The following METTL25 variants were observed in gnomAD, a reference collection of about 807,000 sequenced individuals.
METTL25 encodes the protein methyltransferase like 25, also known as probable methyltransferase-like protein 25.
A neutral mutation model predicts 71.6 loss-of-function variants in METTL25; 64 were observed. That is an observed-to-expected ratio of 0.89 (90% confidence interval 0.73 to 1.10). The LOEUF is 1.10. METTL25 is among the 50% of genes least tolerant of loss of function. METTL25 has a pLI of 0.00. For missense variants in METTL25, 807 were observed against 707.0 expected (o/e 1.14, Z -1.60); for synonymous variants, 287 against 250.3 (o/e 1.15, Z -1.38).
At chr12:82,456,622 G>A (rs1891508379) in intron 8 of METTL25, 105 bp from the exon 9 acceptor site, 1 of 613,378 alleles carries the variant, frequency 1.6e-6, no homozygotes, top group Non-Finnish European at 2.8e-6. Context: ...TTTGGATCTT[G>A]TGCTATATCC....
At chr12:82,475,896 A>G (rs1166389570) in intron 9 of METTL25, among the ~76,000 whole-genome samples, 1 of 152,126 alleles carries the variant, frequency 6.6e-6, no homozygotes, top group African/African-American at 2.4e-5. Context: ...CCAAAATCTG[A>G]AATGCTCCAA....
At chr12:82,381,060 C>T (rs1400345871) in intron 1 of METTL25, among the ~76,000 whole-genome samples, 1 of 152,182 alleles carries the variant, frequency 6.6e-6, no homozygotes, top group Admixed American at 6.5e-5. Context: ...CATTTGTTGT[C>T]TGCATACACT....
chr12:82,424,662 G>C (rs1326153165), intron 5 of METTL25, among the ~76,000 whole-genome samples: 3 of 151,892 alleles, frequency 2.0e-5, no homozygotes, highest in Non-Finnish European at 4.4e-5. Context: ...CTCCCAAAAA[G>C]TCATGTTCAT....
intron 8 of METTL25, among the ~76,000 whole-genome samples, chr12:82,446,097 G>T (rs1406663043): frequency 1.3e-5 from 2 of 152,102 alleles, no homozygotes; most frequent in African/African-American, 2.4e-5. Context: ...ATTATATAAT[G>T]ATAGGCAGGT....
chr12:82,455,316 A>G (rs1891415715), intron 8 of METTL25, among the ~76,000 whole-genome samples: 1 of 151,874 alleles, frequency 6.6e-6, no homozygotes, highest in Non-Finnish European at 1.5e-5. Context: ...TAAGATGTAT[A>G]GGATCTGAGA....
chr12:82,376,684 C>T (rs1263414136), intron 1 of METTL25, among the ~76,000 whole-genome samples: 1 of 152,146 alleles, frequency 6.6e-6, no homozygotes, highest in South Asian at 2.1e-4. Context: ...ATTTATAAAC[C>T]TTTAATACTG....
In METTL25 at chr12:82,399,107, TC is replaced by T; in HGVS notation, c.845del (p.Ser282LeufsTer4). The T allele has an allele frequency of 6.2e-7, 1 of 1,613,808 alleles. No homozygotes were observed. The highest frequency in any genetic ancestry group is 1.7e-4 in the Middle Eastern group (1 of 6,054). ...TACCTCAGCTATTTTGCCTGATTTTTCTGGCTCTGTAATTTCTAATATCAGA... is the reference window on the plus strand; with the variant it reads ...TACCTCAGCTATTTTGCCTGATTTTTTGGCTCTGTAATTTCTAATATCAGA... ...MPTSAILPDF[S>X]GSVISNIRNQ... On this transcript the variant is annotated frameshift_variant, in exon 4 of 12. Coordinates refer to ENST00000248306, the MANE Select transcript of METTL25 (RefSeq NM_032230.3). LOFTEE classifies it high-confidence loss of function.
At chr12:82,361,612 G>A (rs1881921344) in intron 1 of METTL25, among the ~76,000 whole-genome samples, 1 of 152,192 alleles carries the variant, frequency 6.6e-6, no homozygotes, top group African/African-American at 2.4e-5. Flanking sequence ...GCGCTGGTGG[G>A]CCGGCACTGC....
At chr12:82,434,336 T>A (rs1386314533) in intron 6 of METTL25, among the ~76,000 whole-genome samples, 2 of 151,422 alleles carry the variant, frequency 1.3e-5, no homozygotes, top group African/African-American at 4.8e-5. Flanking sequence ...TGCATAATAA[T>A]AGTGTTGGAT....
intron 9 of METTL25, among the ~76,000 whole-genome samples, chr12:82,473,689 T>C (rs937105644): frequency 6.6e-6 from 1 of 152,152 alleles, no homozygotes; most frequent in South Asian, 2.1e-4. Context: ...CCTCAGAGCA[T>C]GTCAGTTGTT....
chr12:82,429,133 C>T (rs1889273952), intron 5 of METTL25, among the ~76,000 whole-genome samples: 1 of 151,658 alleles, frequency 6.6e-6, no homozygotes, highest in Non-Finnish European at 1.5e-5. Flanking sequence ...AATATTAAAA[C>T]TTATTTCTTC....
chr12:82,414,608 A>G (rs919788387), intron 5 of METTL25, among the ~76,000 whole-genome samples: 1 of 152,186 alleles, frequency 6.6e-6, no homozygotes, highest in Non-Finnish European at 1.5e-5. Context: ...TAGAAAATGA[A>G]TATGTCCACT....
At chr12:82,469,698 G>C (rs1892458547) in intron 9 of METTL25, among the ~76,000 whole-genome samples, 1 of 151,814 alleles carries the variant, frequency 6.6e-6, no homozygotes, top group African/African-American at 2.4e-5. Context: ...GCAAGCAGAA[G>C]ATGATATCTA....
In METTL25 at chr12:82,409,637, T is replaced by G. The variant is rs190169714; in HGVS notation, c.1279+6507T>G. Among the ~76,000 whole-genome samples the G allele has an allele frequency of 2.9e-4, 44 of 152,196 alleles. 1 individual carries two copies. The East Asian group carries it at 8.5e-3, about 29-fold the overall frequency. On this transcript the variant is annotated intron_variant, in intron 5 of 11. Coordinates refer to ENST00000248306, the MANE Select transcript of METTL25 (RefSeq NM_032230.3). ...ATTTGTGACTGATCTGCTCCTTCCC[T>G]GCCTCCTCCCAGCCTAGTAGACCCA... is the stretch of plus-strand genomic sequence containing the variant.
At chr12:82,471,222 A>C (rs1892550974) in intron 9 of METTL25, among the ~76,000 whole-genome samples, 2 of 152,218 alleles carry the variant, frequency 1.3e-5, no homozygotes, top group African/African-American at 2.4e-5. Flanking sequence ...TTGAAATTAA[A>C]GCTCAGATTT....
In METTL25 at chr12:82,364,385, C is replaced by T. The variant is rs376074345; in HGVS notation, c.259+5561C>T. Among the ~76,000 whole-genome samples the T allele has an allele frequency of 1.2e-4, 19 of 152,282 alleles. No homozygotes were observed. The South Asian group carries it at 3.3e-3, about 27-fold the overall frequency. ...TTTCATACCATGTGAACTTTTCCTA[C>T]GGGGATGCTTTTGTGGCAACTTTGT... On this transcript the variant is annotated intron_variant, in intron 1 of 11. Coordinates refer to ENST00000248306, the MANE Select transcript of METTL25 (RefSeq NM_032230.3).
At chr12:82,383,633 C>G (rs1029859692) in intron 1 of METTL25, among the ~76,000 whole-genome samples, 14 of 152,200 alleles carry the variant, frequency 9.2e-5, no homozygotes, top group African/African-American at 3.4e-4. Flanking sequence ...ATTGTAAGAC[C>G]TAACAGTACT....
At chr12:82,408,080 G>T (rs1356338674) in intron 5 of METTL25, 1 of 331,480 alleles carries the variant, frequency 3.0e-6, no homozygotes, top group Non-Finnish European at 4.3e-6. Flanking sequence ...TAATCTCTAG[G>T]CATAGGACTT....
At chr12:82,386,723 T>A in intron 1 of METTL25, 80 bp from the exon 2 acceptor site, 1 of 1,104,672 alleles carries the variant, frequency 9.1e-7, no homozygotes, top group Non-Finnish European at 1.3e-6. Context: ...ACAAATTAAG[T>A]GTTCATTTGT....
Sources: gnomAD v4.1 joint callset for allele counts (sites outside exome capture counted in the v4.1 genomes callset) on GRCh38, gnomAD v4.1.1 for gene constraint, MANE v1.5 for transcripts, NCBI Gene and HGNC (gene_info 2026-07-23, HGNC 2026-07-21) for gene names.